Variants in PPP1R9A observed in about 807,000 individuals in gnomAD.
PPP1R9A encodes the protein protein phosphatase 1 regulatory subunit 9A, also known as neurabin-1.
Under a neutral mutation model 141.9 loss-of-function variants are expected in PPP1R9A, and 59 were observed. That is an observed-to-expected ratio of 0.42 (90% CI 0.34 to 0.52). PPP1R9A has a LOEUF of 0.52. PPP1R9A is among the 20% of genes least tolerant of loss of function. The pLI, the probability that PPP1R9A is intolerant of heterozygous loss-of-function variation, is 0.10. For missense variants in PPP1R9A, 1,444 were observed against 1,611.9 expected, an observed-to-expected ratio of 0.90 and a Z score of 1.78; for synonymous variants, 500 against 569.7, an observed-to-expected ratio of 0.88 and a Z score of 1.74.
chr7:95,065,699 C>T (rs1346014156), intron 2 of PPP1R9A, among the ~76,000 whole-genome samples: 1 of 152,070 alleles, frequency 6.6e-6, no homozygotes, highest in African/African-American at 2.4e-5. Flanking sequence ...GTGCACAGCT[C>T]GGTTGTACTT....
At chr7:95,258,546 A>T (rs1799952878) in intron 12 of PPP1R9A, among the ~76,000 whole-genome samples, 1 of 152,174 alleles carries the variant, frequency 6.6e-6, no homozygotes, top group Non-Finnish European at 1.5e-5. Flanking sequence ...CTGATCATTA[A>T]AAGACATTAT....
intron 2 of PPP1R9A, among the ~76,000 whole-genome samples, chr7:95,049,671 T>G (rs905467913): frequency 5.9e-5 from 9 of 152,172 alleles, no homozygotes; most frequent in African/African-American, 1.9e-4. Context: ...AAAAATCCAC[T>G]GTGCTCTGCC....
chr7:95,178,379 A>C (rs1833208312), intron 5 of PPP1R9A, among the ~76,000 whole-genome samples: 1 of 152,120 alleles, frequency 6.6e-6, no homozygotes, highest in South Asian at 2.1e-4. Context: ...GGATACAGCA[A>C]ATGTGGTGCT....
intron 10 of PPP1R9A, among the ~76,000 whole-genome samples, chr7:95,251,113 AG>A (rs1329697088): frequency 6.6e-6 from 1 of 152,240 alleles, no homozygotes; most frequent in Non-Finnish European, 1.5e-5. Context: ...TCTTGTTAAA[AG>A]GGGAGTAATT....
chr7:94,930,562 C>T (rs1794033283), intron 2 of PPP1R9A, among the ~76,000 whole-genome samples: 1 of 152,170 alleles, frequency 6.6e-6, no homozygotes, highest in East Asian at 1.9e-4. Context: ...CAGTCTCCAA[C>T]TCCTGACCTC....
chr7:95,149,619 T>C (rs1264099698), intron 4 of PPP1R9A, among the ~76,000 whole-genome samples: 16 of 151,910 alleles, frequency 1.1e-4, no homozygotes. Flanking sequence ...ATATTAAAAT[T>C]CATTTCTGTT....
At chr7:95,267,627 T>A (rs1801503426) in intron 12 of PPP1R9A, among the ~76,000 whole-genome samples, 1 of 152,162 alleles carries the variant, frequency 6.6e-6, no homozygotes, top group Admixed American at 6.6e-5. Flanking sequence ...CTAATTGAAT[T>A]CTCTCTGTGG....
intron 5 of PPP1R9A, among the ~76,000 whole-genome samples, chr7:95,195,444 C>CTT (rs771744539): frequency 2.3e-5 from 3 of 130,952 alleles, no homozygotes; most frequent in African/African-American, 8.4e-5. Context: ...CCACACCTGG[C>CTT]TTTTTTTTTT....
At chr7:94,980,942 A>G (rs1800032061) in intron 2 of PPP1R9A, among the ~76,000 whole-genome samples, 1 of 152,182 alleles carries the variant, frequency 6.6e-6, no homozygotes, top group Admixed American at 6.5e-5. Flanking sequence ...TGAACTTACC[A>G]CTGCCTATTT....
At chr7:94,949,665 A>G (rs1796249939) in intron 2 of PPP1R9A, among the ~76,000 whole-genome samples, 1 of 152,056 alleles carries the variant, frequency 6.6e-6, no homozygotes, top group Non-Finnish European at 1.5e-5. Context: ...ATGACAGGAC[A>G]CACAGCTCTG....
intron 19 of PPP1R9A, among the ~76,000 whole-genome samples, chr7:95,289,437 T>TAACAGGG (rs1805992802): frequency 6.6e-6 from 1 of 152,228 alleles, no homozygotes; most frequent in Non-Finnish European, 1.5e-5. Flanking sequence ...AGGCTGTCCC[T>TAACAGGG]GTTGGGGAGA....
intron 2 of PPP1R9A, among the ~76,000 whole-genome samples, chr7:94,981,253 A>T (rs1456754045): frequency 6.6e-6 from 1 of 151,992 alleles, no homozygotes; most frequent in Non-Finnish European, 1.5e-5. Context: ...ATTTTTTTTG[A>T]GACACAGTCT....
chr7:95,120,277 A>G (rs372065529), intron 3 of PPP1R9A, among the ~76,000 whole-genome samples: 4 of 152,014 alleles, frequency 2.6e-5, no homozygotes, highest in Admixed American at 2.0e-4. Context: ...TCTTATTAAC[A>G]TGAATAAACA....
chr7:95,063,069 A>G (rs544336305), intron 2 of PPP1R9A, among the ~76,000 whole-genome samples: 44 of 152,360 alleles, frequency 2.9e-4, no homozygotes, highest in Non-Finnish European at 2.9e-5. Context: ...GTAAACTTTT[A>G]TGCAGACCAG....
At chr7:95,234,516 A>T (rs1796412374) in intron 8 of PPP1R9A, among the ~76,000 whole-genome samples, 1 of 152,230 alleles carries the variant, frequency 6.6e-6, no homozygotes, top group Non-Finnish European at 1.5e-5. Context: ...ACACTGCTGA[A>T]AGAAATCATA....
intron 4 of PPP1R9A, among the ~76,000 whole-genome samples, chr7:95,152,763 AG>A (rs1004444353): frequency 2.6e-5 from 4 of 151,934 alleles, no homozygotes; most frequent in African/African-American, 9.7e-5. Flanking sequence ...TCTGGTGGAT[AG>A]GAACTTGATA....
Position 95,249,910 on chromosome 7 carries a change from T to C in PPP1R9A, c.2167-116T>C, listed in dbSNP as rs897693622. 2.6e-5 allele frequency: 35 copies of C among 1,332,524 alleles called. No individual in the cohort carries two copies. The Admixed American group carries it at 3.5e-4, about 13-fold the overall frequency. 82.5% of individuals were successfully genotyped at this position (1,332,524 alleles called of 1,614,324 possible). A position where few individuals can be genotyped will look rare whatever the true frequency, so the allele number is the denominator to read the frequency against. The stretch of plus-strand genomic sequence containing the variant: ...TAATACCTGCTTTTCTCATCTCAAG[T>C]GGATTCAGTGATTGTTTATGATAAT... On this transcript the variant is annotated intron_variant, in intron 9 of 19. Transcript: ENST00000433360.
At chr7:95,008,093 A>G (rs10953134) in intron 2 of PPP1R9A, among the ~76,000 whole-genome samples, 11,488 of 152,072 alleles carry the variant, frequency 0.076, 525 homozygotes, top group East Asian at 0.15. Context: ...CAAACACACA[A>G]ACAAACCAAG....
At chr7:94,969,719 GT>G (rs1265926056) in intron 2 of PPP1R9A, among the ~76,000 whole-genome samples, 1 of 152,122 alleles carries the variant, frequency 6.6e-6, no homozygotes, top group East Asian at 1.9e-4. Context: ...AGGCAGGAGT[GT>G]TTAAGTCTGC....
Sources: gnomAD v4.1 joint callset for allele counts (sites outside exome capture counted in the v4.1 genomes callset) on GRCh38, gnomAD v4.1.1 for gene constraint, MANE v1.5 for transcripts, NCBI Gene and HGNC (gene_info 2026-07-23, HGNC 2026-07-21) for gene names.